Variants in CCDC141 observed in about 807,000 individuals in gnomAD.
CCDC141 encodes coiled-coil domain-containing protein 141.
In CCDC141, 168 loss-of-function variants were observed where a neutral mutation model predicts 181.0. The observed-to-expected ratio is 0.93, with a 90% CI of 0.82 to 1.05. CCDC141 has a LOEUF of 1.05. CCDC141 is among the 50% of genes least tolerant of loss of function. CCDC141 has a pLI of 0.00. For missense variants in CCDC141, 1,902 were observed against 1,788.5 expected (o/e 1.06, Z -1.14); for synonymous variants, 666 against 642.3 (o/e 1.04, Z -0.56).
At chr2:179,038,429 A>G (rs1282329933) in intron 2 of CCDC141, among the ~76,000 whole-genome samples, 1 of 152,188 alleles carries the variant, frequency 6.6e-6, no homozygotes. Context: ...TTTTGGAAAT[A>G]CATAGTGGTG....
intron 22 of CCDC141, among the ~76,000 whole-genome samples, chr2:178,841,612 T>C (rs1448994857): frequency 1.3e-5 from 2 of 152,226 alleles, no homozygotes; most frequent in Non-Finnish European, 2.9e-5. Flanking sequence ...TTTAAGTCAT[T>C]ATGGAATTTT....
intron 2 of CCDC141, among the ~76,000 whole-genome samples, chr2:179,013,950 G>A (rs1454678828): frequency 2.0e-5 from 2 of 98,238 alleles, no homozygotes; most frequent in African/African-American, 4.0e-5. Flanking sequence ...TACAGAGTGA[G>A]ACTCCATCTC....
chr2:178,970,137 G>C (rs1690817962), intron 4 of CCDC141, among the ~76,000 whole-genome samples: 1 of 152,122 alleles, frequency 6.6e-6, no homozygotes, highest in Non-Finnish European at 1.5e-5. Context: ...CAAACAAATG[G>C]AAAAACATCC....
chr2:178,913,285 GA>G (rs555204236), intron 7 of CCDC141, among the ~76,000 whole-genome samples: 57 of 152,286 alleles, frequency 3.7e-4, no homozygotes, highest in Non-Finnish European at 5.4e-4. Context: ...GAGGAATTAT[GA>G]AACTGAAAGT....
intron 7 of CCDC141, among the ~76,000 whole-genome samples, chr2:178,905,887 T>C (rs1687944486): frequency 6.6e-6 from 1 of 152,252 alleles, no homozygotes; most frequent in South Asian, 2.1e-4. Flanking sequence ...TACAGGCTTT[T>C]ATGGCAAGAA....
Position 178,961,254 on chromosome 2 carries a change from A to G in CCDC141, c.756T>C (p.Cys252=), listed in dbSNP as rs896927198. 1.0e-5 allele frequency: 16 copies of G among 1,550,274 alleles called. No individual in the cohort carries two copies. The highest frequency in any genetic ancestry group is 2.7e-5 in the African/African-American group (2 of 73,036). The change falls in exon 5 of 24, where the codon TGT becomes TGC. Residue 252 remains cysteine (C), a synonymous_variant. Transcript: ENST00000443758. The part of the protein sequence containing the change: ...WQELSQVLQI[C]QWDQQENQVT... ...CCTGGTTTTCTTGTTGGTCCCACTG[A>G]CATATCTGCAGAACTTGACTCAATT...
At chr2:178,967,637 T>C (rs1306239292) in intron 4 of CCDC141, among the ~76,000 whole-genome samples, 2 of 152,126 alleles carry the variant, frequency 1.3e-5, no homozygotes, top group East Asian at 3.9e-4. Flanking sequence ...TGCAAAAACA[T>C]AACAAATTGT....
intron 21 of CCDC141, 100 bp downstream of exon 21, chr2:178,849,949 T>G (rs1685093716): frequency 1.5e-6 from 1 of 672,326 alleles, no homozygotes; most frequent in Non-Finnish European, 2.6e-6. Flanking sequence ...TTATGTACCC[T>G]GAGAAATTCT....
chr2:178,828,625 T>G (rs1344417067), downstream of CCDC141, among the ~76,000 whole-genome samples: 1 of 152,176 alleles, frequency 6.6e-6, no homozygotes, highest in Non-Finnish European at 1.5e-5. Context: ...CTGGAGCAAA[T>G]GGGCATATTC....
chr2:178,839,918 C>G (rs1190543441), intron 22 of CCDC141, among the ~76,000 whole-genome samples: 1 of 152,184 alleles, frequency 6.6e-6, no homozygotes, highest in Non-Finnish European at 1.5e-5. Context: ...GATTAACCAC[C>G]TATTCAGTCT....
chr2:178,999,573 A>AATAAAATTCC (rs1692428947), intron 2 of CCDC141, among the ~76,000 whole-genome samples: 1 of 152,158 alleles, frequency 6.6e-6, no homozygotes, highest in Non-Finnish European at 1.5e-5. Flanking sequence ...TAAGATAAAA[A>AATAAAATTCC]ATAAAATTCC....
intron 3 of CCDC141, 116 bp from the exon 4 acceptor site, chr2:178,975,281 T>C (rs1691070688): frequency 1.8e-6 from 1 of 560,208 alleles, no homozygotes; most frequent in Non-Finnish European, 3.2e-6. Flanking sequence ...GATGTGTGAT[T>C]ATGCAAGTGC....
Position 178,834,243 on chromosome 2 carries a change from C to G in CCDC141, c.4523G>C (p.Arg1508Thr). ...GACACACAGGGTTATCCAGTTTACTCTTGTGATTGGCAGCCTGCAGTTACC... is the reference window on the plus strand; with the variant it reads ...GACACACAGGGTTATCCAGTTTACTGTTGTGATTGGCAGCCTGCAGTTACC... ...VTGNCRLPITRVNWITLCVVY... is the reference protein window; with the variant it reads ...VTGNCRLPITTVNWITLCVVY... The change falls in exon 24 of 24, where the codon AGA becomes ACA. Residue 1508 changes from arginine (R) to threonine (T), a missense_variant. Coordinates refer to ENST00000443758, the MANE Select transcript of CCDC141 (RefSeq NM_173648.4). 6.5e-7 allele frequency: 1 copy of G among 1,536,208 alleles called. No homozygotes were observed. Among genetic ancestry groups the G allele is most frequent in the Non-Finnish European group, 8.7e-7 (1 of 1,146,882 alleles).
chr2:178,976,027 T>C (rs955700344), intron 3 of CCDC141, among the ~76,000 whole-genome samples: 2 of 152,194 alleles, frequency 1.3e-5, no homozygotes, highest in Non-Finnish European at 2.9e-5. Context: ...CTGTCTTTTT[T>C]CTTTTTCTCC....
intron 2 of CCDC141, among the ~76,000 whole-genome samples, chr2:179,040,043 G>A (rs1335187534): frequency 6.6e-6 from 1 of 152,166 alleles, no homozygotes; most frequent in Non-Finnish European, 1.5e-5. Flanking sequence ...GATTGAAAGT[G>A]GTGAGTGGTT....
intron 8 of CCDC141, among the ~76,000 whole-genome samples, chr2:178,900,863 G>A (rs1284675513): frequency 6.6e-6 from 1 of 152,094 alleles, no homozygotes; most frequent in Non-Finnish European, 1.5e-5. Context: ...CATGAGCAAG[G>A]GTTTTCAGAC....
chr2:178,825,887 T>C (rs540270670), downstream of CCDC141, among the ~76,000 whole-genome samples: 29 of 152,292 alleles, frequency 1.9e-4, no homozygotes, highest in African/African-American at 6.7e-4. Flanking sequence ...GTAGATTCTT[T>C]GGGATTTTCT....
At chr2:178,922,688 C>G (rs1389359581) in intron 6 of CCDC141, among the ~76,000 whole-genome samples, 2 of 152,190 alleles carry the variant, frequency 1.3e-5, no homozygotes, top group Non-Finnish European at 2.9e-5. Flanking sequence ...AGAGAAATAC[C>G]TGTTCTCCAG....
intron 15 of CCDC141, among the ~76,000 whole-genome samples, chr2:178,868,615 A>G (rs1364326962): frequency 6.6e-6 from 1 of 150,702 alleles, no homozygotes; most frequent in Non-Finnish European, 1.5e-5. Context: ...GTGCAAAAAA[A>G]AAAAAAAAAA....
Sources: allele counts gnomAD v4.1 joint callset (sites outside exome capture counted in the v4.1 genomes callset), GRCh38; gene constraint gnomAD v4.1.1; transcripts MANE v1.5; gene names NCBI Gene and HGNC (gene_info 2026-07-23, HGNC 2026-07-21).